The following CMBL variants were observed in gnomAD, a reference collection of about 807,000 sequenced individuals.
The protein encoded by CMBL is carboxymethylenebutenolidase homolog, also known as carboxymethylenebutenolidase homolog (Pseudomonas).
Under a neutral mutation model 28.7 loss-of-function variants are expected in CMBL, and 17 were observed. That is an observed-to-expected ratio of 0.59 (90% confidence interval 0.41 to 0.89). The LOEUF is 0.89. CMBL is among the 40% of genes least tolerant of loss of function. The pLI, the probability that CMBL is intolerant of heterozygous loss-of-function variation, is 0.00. For synonymous variants in CMBL, 106 were observed against 101.6 expected, an observed-to-expected ratio of 1.04 and a Z score of -0.26; for missense variants, 310 against 298.5, an observed-to-expected ratio of 1.04 and a Z score of -0.28.
chr5:10,296,519 G>C (rs556078546), intron 1 of CMBL, among the ~76,000 whole-genome samples: 1 of 152,302 alleles, frequency 6.6e-6, no homozygotes, highest in South Asian at 2.1e-4. Flanking sequence ...GACCTCAGGT[G>C]ATCCACTGTG....
chr5:10,286,437 A>G lies in CMBL; in HGVS notation c.383T>C (p.Ile128Thr), dbSNP rs146696783. 636 of 1,614,156 alleles carry G rather than the reference A, an allele frequency of 3.9e-4. No individual in the cohort carries two copies. Among genetic ancestry groups the G allele is most frequent in the Admixed American group, 5.5e-4 (33 of 60,026 alleles). The change falls in exon 4 of 6, where the codon ATC becomes ACC. Residue 128 changes from isoleucine to threonine, a missense_variant. By Grantham distance (89) the Ile-to-Thr change is moderately conservative. Coordinates refer to ENST00000296658, the MANE Select transcript of CMBL (RefSeq NM_138809.4). ...AGTTCCACCCCAGCAGAATCCCACG[A>G]TGCCAATTTTCTGGGCATGACACTG... Reference protein sequence around the residue: ...KQQCHAQKIGIVGFCWGGTAV... With the variant: ...KQQCHAQKIGTVGFCWGGTAV...
At chr5:10,305,625 G>T (rs928460586) in intron 1 of CMBL, among the ~76,000 whole-genome samples, 4 of 152,120 alleles carry the variant, frequency 2.6e-5, no homozygotes, top group Middle Eastern at 3.2e-3. Context: ...AGGCTGGAGT[G>T]CAATGGTGCA....
intron 1 of CMBL, among the ~76,000 whole-genome samples, chr5:10,305,705 G>T (rs991946203): frequency 1.8e-4 from 28 of 152,110 alleles, no homozygotes; most frequent in African/African-American, 5.6e-4. Context: ...CTGAGTAGCT[G>T]GGATTATAGG....
intron 1 of CMBL, among the ~76,000 whole-genome samples, chr5:10,302,881 T>TA (rs1307083384): frequency 6.6e-6 from 1 of 152,226 alleles, no homozygotes; most frequent in Non-Finnish European, 1.5e-5. Flanking sequence ...AGGGGAAACT[T>TA]ACATTCTGTA....
Position 10,290,112 on chromosome 5 carries a change from G to A in CMBL, c.215+436C>T, listed in dbSNP as rs993022766. On this transcript the variant is annotated intron_variant, in intron 2 of 5. Transcript: ENST00000296658. ...CCCAGTCTAATTCAGAGGGGGCCAC[G>A]ACCGTACGTGTATGGACCAGGAGGA... is the stretch of plus-strand genomic sequence containing the variant. Among the ~76,000 whole-genome samples the A allele has an allele frequency of 5.3e-5, 8 of 152,310 alleles. No homozygotes were observed. In the East Asian group the frequency reaches 1.2e-3, roughly 22 times the overall value.
At chr5:10,287,833 C>T (rs990697162) in intron 3 of CMBL, among the ~76,000 whole-genome samples, 25 of 151,906 alleles carry the variant, frequency 1.6e-4, no homozygotes, top group Non-Finnish European at 3.4e-4. Context: ...GCCTCAGCCT[C>T]CCAAGTAGCT....
chr5:10,287,870 C>A (rs1051321336), intron 3 of CMBL, among the ~76,000 whole-genome samples: 5 of 151,644 alleles, frequency 3.3e-5, no homozygotes, highest in African/African-American at 9.7e-5. Flanking sequence ...GTCATGACAC[C>A]CAGCTAAGTT....
chr5:10,291,839 C>G (rs572424891), intron 1 of CMBL, among the ~76,000 whole-genome samples: 1 of 152,132 alleles, frequency 6.6e-6, no homozygotes, highest in Non-Finnish European at 1.5e-5. Context: ...CTTCCACAAT[C>G]CAGGCCAAAA....
intron 4 of CMBL, among the ~76,000 whole-genome samples, chr5:10,285,694 CTTTTTCT>C (rs1219452347): frequency 2.2e-4 from 19 of 87,486 alleles, no homozygotes; most frequent in Non-Finnish European, 5.4e-4. Flanking sequence ...CTTTCTCTTT[CTTTTTCT>C]TTTTTTTTTT....
intron 3 of CMBL, among the ~76,000 whole-genome samples, chr5:10,287,972 C>A (rs894988773): frequency 1.3e-5 from 2 of 149,978 alleles, no homozygotes; most frequent in Admixed American, 1.3e-4. Flanking sequence ...CTCAAGTGAT[C>A]AGCCAGCCTC....
At chr5:10,285,261 C>T (rs1294914760) in intron 4 of CMBL, among the ~76,000 whole-genome samples, 2 of 152,124 alleles carry the variant, frequency 1.3e-5, no homozygotes, top group African/African-American at 2.4e-5. Context: ...CTCCACCTCC[C>T]GGGTTCAAGC....
At chr5:10,286,226 A>T in intron 4 of CMBL, 128 bp downstream of exon 4, 1 of 935,614 alleles carries the variant, frequency 1.1e-6, no homozygotes, top group Non-Finnish European at 1.6e-6. Context: ...CTTAAAACCC[A>T]TTTCCATAAG....
Position 10,290,725 on chromosome 5 carries a change from C to T in CMBL, c.38G>A (p.Gly13Asp), listed in dbSNP as rs770071059. ...NEAYPCPCDI[G>D]HRLEYGGLGR... ...TAGCCCTCCATACTCAAGTCTGTGGCCAATGTCACACGGACAAGGATAAGC... is the reference window on the plus strand; with the variant it reads ...TAGCCCTCCATACTCAAGTCTGTGGTCAATGTCACACGGACAAGGATAAGC... Residue 13 changes from glycine (G) to aspartate (D), a missense_variant, in exon 2 of 6, where the codon GGC (glycine) becomes GAC (aspartate). Transcript: ENST00000296658. 114 of 1,614,044 alleles carry T rather than the reference C, an allele frequency of 7.1e-5. No individual in the cohort carries two copies. Among genetic ancestry groups the T allele is most frequent in the Non-Finnish European group, 9.6e-5 (113 of 1,180,052 alleles).
intron 5 of CMBL, among the ~76,000 whole-genome samples, chr5:10,281,283 T>C (rs1303777439): frequency 6.6e-6 from 1 of 152,188 alleles, no homozygotes; most frequent in Non-Finnish European, 1.5e-5. Flanking sequence ...GGTGGCACAA[T>C]CGTGGCTCAC....
At chr5:10,298,786 C>T (rs936094878) in intron 1 of CMBL, among the ~76,000 whole-genome samples, 2 of 152,034 alleles carry the variant, frequency 1.3e-5, no homozygotes, top group Admixed American at 6.6e-5. Context: ...CCAGCTACTC[C>T]GGAGGCTGAG....
chr5:10,288,411 G>A lies in CMBL; in HGVS notation c.323+11C>T, dbSNP rs749888640. The A allele has an allele frequency of 5.2e-5, 83 of 1,604,562 alleles. No homozygotes were observed. Among genetic ancestry groups the A allele is most frequent in the Middle Eastern group, 3.3e-4 (2 of 6,058 alleles). On this transcript the variant is annotated intron_variant, in intron 3 of 5. Coordinates refer to ENST00000296658, the MANE Select transcript of CMBL (RefSeq NM_138809.4). The stretch of plus-strand genomic sequence containing the variant: ...ACAACGTGCACATGGCCACGTCTGC[G>A]GATAACTCACCTATCGATCTTCTGG...
chr5:10,297,768 T>C (rs1746835094), intron 1 of CMBL, among the ~76,000 whole-genome samples: 1 of 151,954 alleles, frequency 6.6e-6, no homozygotes, highest in South Asian at 2.1e-4. Context: ...CAGGAGGGTC[T>C]GGCGCATAGC....
chr5:10,281,246 C>G (rs1264818983), intron 5 of CMBL, among the ~76,000 whole-genome samples: 3 of 152,180 alleles, frequency 2.0e-5, no homozygotes, highest in Non-Finnish European at 4.4e-5. Flanking sequence ...GAGTCAGGGT[C>G]TCACTCTGTC....
At chr5:10,292,727 G>A (rs1243502618) in intron 1 of CMBL, among the ~76,000 whole-genome samples, 1 of 151,346 alleles carries the variant, frequency 6.6e-6, no homozygotes, top group African/African-American at 2.4e-5. Flanking sequence ...GGGAGGCTAA[G>A]GCAGGAGAAT....
Sources: gnomAD v4.1 joint callset for allele counts (sites outside exome capture counted in the v4.1 genomes callset) on GRCh38, gnomAD v4.1.1 for gene constraint, MANE v1.5 for transcripts, NCBI Gene and HGNC (gene_info 2026-07-23, HGNC 2026-07-21) for gene names.